The following ARHGAP39 variants were observed in gnomAD, a reference collection of about 807,000 sequenced individuals.
ARHGAP39 encodes rho GTPase-activating protein 39.
Under a neutral mutation model 106.9 loss-of-function variants are expected in ARHGAP39, and 44 were observed. The observed-to-expected ratio is 0.41, with a 90% CI of 0.32 to 0.53. The LOEUF (loss-of-function observed/expected upper bound fraction) is 0.53, where lower values mean the gene tolerates loss of function less well. ARHGAP39 is among the 20% of genes least tolerant of loss of function. The probability of loss-of-function intolerance (pLI) is 0.21; values close to 1 mark genes in which losing one functional copy is unlikely to be tolerated. For missense variants in ARHGAP39, 1,496 were observed against 1,577.3 expected, an observed-to-expected ratio of 0.95 and a Z score of 0.87; for synonymous variants, 768 against 693.2, an observed-to-expected ratio of 1.11 and a Z score of -1.69.
At position 144,581,092 on chromosome 8, in the gene ARHGAP39, C is replaced by A; in HGVS notation, c.266G>T (p.Arg89Leu). ...RFYYYNASTQ[R>L]TVWHRPQGCD... Reference sequence around the variant, plus strand: ...GCCCTGCGGCCGGTGCCACACCGTGCGCTGCGTGCTGGCATTGTAGTAGTA... The same window carrying A: ...GCCCTGCGGCCGGTGCCACACCGTGAGCTGCGTGCTGGCATTGTAGTAGTA... Residue 89 changes from arginine (R) to leucine (L), a missense_variant, in exon 3 of 12, where the codon CGC becomes CTC. By Grantham distance (102) the Arg-to-Leu change is moderately radical. Transcript: ENST00000377307. 3 of 1,590,476 alleles carry A rather than the reference C, an allele frequency of 1.9e-6. No homozygotes were observed. The highest frequency in any genetic ancestry group is 2.3e-5 in the South Asian group (2 of 87,746).
At position 144,547,983 on chromosome 8, in the gene ARHGAP39, C is replaced by A; in HGVS notation, c.1103G>T (p.Cys368Phe). Residue 368 changes from cysteine (C) to phenylalanine (F), a missense_variant, in exon 5 of 12, where the codon TGC (cysteine) becomes TTC (phenylalanine). By Grantham distance (205) the Cys-to-Phe change is radical. Coordinates refer to ENST00000377307, the MANE Select transcript of ARHGAP39 (RefSeq NM_025251.3). This position sits in a 1 kb window ranked among gnomAD's most constrained non-coding sequence, Gnocchi z 5.2. ...CTGCTTGGTGAGCACCAGCTGCTGG[C>A]AGGGCGAGGGGGGGCCCTGCTTGTT... ...QPNKQGPPSPCQQLVLTKQKC... is the reference protein window; with the variant it reads ...QPNKQGPPSPFQQLVLTKQKC... 6.2e-7 allele frequency: 1 copy of A among 1,609,396 alleles called. No homozygotes were observed. Among genetic ancestry groups the A allele is most frequent in the East Asian group, 2.2e-5 (1 of 44,694 alleles).
chr8:144,606,997 CAAA>C (rs76285024), intron 1 of ARHGAP39, among the ~76,000 whole-genome samples: 2 of 69,052 alleles, frequency 2.9e-5, no homozygotes, highest in Admixed American at 1.5e-4. Context: ...AACTATTAAG[CAAA>C]AAAAAAAAAA....
intron 2 of ARHGAP39, among the ~76,000 whole-genome samples, chr8:144,594,785 T>C (rs1563693668): frequency 6.6e-6 from 1 of 151,540 alleles, no homozygotes; most frequent in Non-Finnish European, 1.5e-5. Context: ...CTTGGGAGGC[T>C]GAGGCATGAG....
At chr8:144,661,148 T>A (rs983757060) in intron 1 of ARHGAP39, among the ~76,000 whole-genome samples, 1 of 151,856 alleles carries the variant, frequency 6.6e-6, no homozygotes, top group Admixed American at 6.6e-5. Flanking sequence ...CTACACAGGG[T>A]CCCAGCAGCT....
chr8:144,637,629 A>G (rs911173653), intron 1 of ARHGAP39, among the ~76,000 whole-genome samples: 1 of 152,162 alleles, frequency 6.6e-6, no homozygotes, highest in Non-Finnish European at 1.5e-5. Flanking sequence ...CAAACAAAAA[A>G]CAATTATTTC....
intron 1 of ARHGAP39, among the ~76,000 whole-genome samples, chr8:144,648,958 C>T (rs939438388): frequency 6.6e-6 from 1 of 152,044 alleles, no homozygotes; most frequent in South Asian, 2.1e-4. Flanking sequence ...AGGGCAAGAG[C>T]AAATCAATCC....
chr8:144,643,004 C>A (rs920779709), intron 1 of ARHGAP39, among the ~76,000 whole-genome samples: 1 of 152,084 alleles, frequency 6.6e-6, no homozygotes, highest in African/African-American at 2.4e-5. Flanking sequence ...CAGAGCAAGA[C>A]CCTGTTTCAA....
chr8:144,538,065 C>T (rs540384955), intron 6 of ARHGAP39, among the ~76,000 whole-genome samples: 7 of 152,238 alleles, frequency 4.6e-5, no homozygotes, highest in African/African-American at 7.2e-5. Flanking sequence ...GCAGGGAAGG[C>T]GCCAGGGGAG....
rs368653587 is a variant in ARHGAP39 at position 144,672,047 on chromosome 8, C to T, written c.-82+13639G>A. On this transcript the variant is annotated intron_variant, in intron 1 of 11. Coordinates refer to ENST00000377307, the MANE Select transcript of ARHGAP39 (RefSeq NM_025251.3). ...ACGCCGTCTGTGATTCCGGCACATG[C>T]TGTAAACGAGGGTCTCAGGGACGTC... Among the ~76,000 whole-genome samples the T allele has an allele frequency of 1.6e-4, 24 of 152,350 alleles. No individual in the cohort carries two copies. The East Asian group carries it at 2.3e-3, about 15-fold the overall frequency.
chr8:144,565,395 A>C (rs912803648), intron 3 of ARHGAP39, among the ~76,000 whole-genome samples: 3 of 152,198 alleles, frequency 2.0e-5, no homozygotes, highest in Non-Finnish European at 4.4e-5. Context: ...ATAAAGAAAA[A>C]AGAGAAAGTG....
At position 144,662,317 on chromosome 8, in the gene ARHGAP39, C is replaced by A. The variant is rs188017518; in HGVS notation, c.-82+23369G>T. ...CGTTTATCCACCTTGGACCACTCCC[C>A]CTCCCTACTATCCGCCTTAGAGCGA... On this transcript the variant is annotated intron_variant, in intron 1 of 11. Transcript: ENST00000377307. 2.5e-3 allele frequency among the ~76,000 whole-genome samples: 370 copies of A among 150,918 alleles called. 2 individuals are homozygous for A. Among genetic ancestry groups the A allele is most frequent in the African/African-American group, 8.7e-3 (355 of 40,922 alleles).
rs930122606 is a variant in ARHGAP39 at position 144,684,531 on chromosome 8, G to A, written c.-82+1155C>T. Among the ~76,000 whole-genome samples the A allele has an allele frequency of 6.6e-6, 1 of 152,228 alleles. No individual in the cohort carries two copies. The highest frequency in any genetic ancestry group is 2.4e-5 in the African/African-American group (1 of 41,458). ...AAACCCGTACAGCACTGAGGGGGAG[G>A]GGGCCCGGCTGCGTTTCCGAAGCTG... On this transcript the variant is annotated intron_variant, in intron 1 of 11. Transcript: ENST00000377307. The surrounding 1 kb of genome is among the most constrained non-coding windows in gnomAD (Gnocchi z 4.4).
rs919025794 is a variant in ARHGAP39, at chr8:144,679,164, A to C, written c.-82+6522T>G. ...CGCATGGTGGCCGGCTCCAGCGTCC[A>C]GCATCTGCGGCTGAGGGGAGACATC... On this transcript the variant is annotated intron_variant, in intron 1 of 11. Coordinates refer to ENST00000377307, the MANE Select transcript of ARHGAP39 (RefSeq NM_025251.3). This position sits in a 1 kb window ranked among gnomAD's most constrained non-coding sequence, Gnocchi z 4.7. 6.6e-6 allele frequency among the ~76,000 whole-genome samples: 1 copy of C among 152,204 alleles called. No individual in the cohort carries two copies.
chr8:144,579,816 C>T (rs963067353), intron 3 of ARHGAP39, among the ~76,000 whole-genome samples: 3 of 152,128 alleles, frequency 2.0e-5, no homozygotes, highest in African/African-American at 4.8e-5. Context: ...AGCCAAGCAC[C>T]GAAAATCTGG....
chr8:144,547,618 C>G lies in ARHGAP39; in HGVS notation c.1468G>C (p.Gly490Arg). The change falls in exon 5 of 12, where the codon GGC becomes CGC. Residue 490 changes from glycine (G) to arginine (R), a missense_variant. Gly to Arg is a moderately radical substitution (Grantham distance 125, BLOSUM62 -2). This residue lies in a region of ARHGAP39 where 905 missense variants were observed against 816.4 expected (regional missense o/e 1.11). Transcript: ENST00000377307. This position sits in a 1 kb window ranked among gnomAD's most constrained non-coding sequence, Gnocchi z 5.2. The stretch of plus-strand genomic sequence containing the variant: ...TTTCTGCTCTTCCGCTTGCGCGTGC[C>G]CGGGGAGTAGCCTGTGGAGGACAGG... The part of the protein sequence containing the change: ...DTLSSTGYSP[G>R]TRKRKSRKPS... 6.7e-7 allele frequency: 1 copy of G among 1,498,726 alleles called. No individual in the cohort carries two copies. Among genetic ancestry groups the G allele is most frequent in the Non-Finnish European group, 8.9e-7 (1 of 1,125,456 alleles). The allele number at this position is 1,498,726 out of a possible 1,614,324, so 92.8% of individuals were successfully genotyped here. A position where few individuals can be genotyped will look rare whatever the true frequency, so the allele number is the denominator to read the frequency against.
At chr8:144,581,398 G>A in intron 2 of ARHGAP39, 121 bp from the exon 3 acceptor site, 1 of 1,141,078 alleles carries the variant, frequency 8.8e-7, no homozygotes, top group Admixed American at 2.7e-5. Context: ...ATAGAGGAAA[G>A]CAAACCCAAG....
In ARHGAP39 at chr8:144,545,494, G is replaced by A; in HGVS notation, c.2276C>T (p.Ala759Val). The A allele has an allele frequency of 6.2e-7, 1 of 1,607,296 alleles. No individual in the cohort carries two copies. Among genetic ancestry groups the A allele is most frequent in the Non-Finnish European group, 8.5e-7 (1 of 1,175,452 alleles). ...GGCCACGTGCAGTGGGTCGGCCTTG[G>A]CCCGCCGGTCACCCATGTACATCTG... ...LIQMYMGDRR[A>V]KADPLHVALE... The change falls in exon 6 of 12, where the codon GCC (alanine) becomes GTC (valine). Residue 759 changes from alanine to valine, a missense_variant. Around this residue, in one of 4 missense-constraint regions of ARHGAP39, gnomAD observed 470 missense variants for 605.1 expected, o/e 0.78. Coordinates refer to ENST00000377307, the MANE Select transcript of ARHGAP39 (RefSeq NM_025251.3).
At chr8:144,579,201 CAA>C (rs541332282) in intron 3 of ARHGAP39, among the ~76,000 whole-genome samples, 23 of 39,916 alleles carry the variant, frequency 5.8e-4, no homozygotes, top group African/African-American at 1.4e-3. Flanking sequence ...GACTCTGTCT[CAA>C]AAAAAAAAAA....
intron 1 of ARHGAP39, among the ~76,000 whole-genome samples, chr8:144,609,504 C>T (rs949020181): frequency 1.3e-5 from 2 of 149,224 alleles, no homozygotes; most frequent in African/African-American, 2.5e-5. Flanking sequence ...CAGGTTCAAG[C>T]GATTCTCCTG....
Sources: allele counts gnomAD v4.1 joint callset (sites outside exome capture counted in the v4.1 genomes callset), GRCh38; gene constraint gnomAD v4.1.1; regional missense constraint gnomAD v4.1.1; non-coding constraint Gnocchi (gnomAD v3.1); transcripts MANE v1.5; gene names NCBI Gene and HGNC (gene_info 2026-07-23, HGNC 2026-07-21).